Variants in DNASE1 observed in about 807,000 individuals in gnomAD.
The protein encoded by DNASE1 is deoxyribonuclease-1.
Under a neutral mutation model 33.9 loss-of-function variants are expected in DNASE1, and 40 were observed. That is an observed-to-expected ratio of 1.18 (90% CI 0.92 to 1.54). The LOEUF is 1.54. Ranked by LOEUF, DNASE1 falls within the 40% of genes most tolerant of loss-of-function variation. The pLI is 0.00. For synonymous variants in DNASE1, 216 were observed against 160.0 expected, an observed-to-expected ratio of 1.35 and a Z score of -2.64; for missense variants, 518 against 372.6, an observed-to-expected ratio of 1.39 and a Z score of -3.21.
At chr16:3,656,222 C>A in intron 4 of DNASE1, 37 bp downstream of exon 4, 1 of 1,580,784 alleles carries the variant, frequency 6.3e-7, no homozygotes, top group East Asian at 2.2e-5. Flanking sequence ...CCCTCCCTCA[C>A]CTGGGAGGGC....
chr16:3,648,338 G>A (rs557689680), intron 1 of DNASE1, among the ~76,000 whole-genome samples: 2 of 152,224 alleles, frequency 1.3e-5, no homozygotes, highest in South Asian at 2.1e-4. Flanking sequence ...TGAGATGGGC[G>A]GAACACAAGG....
intron 7 of DNASE1, 119 bp from the exon 8 acceptor site, chr16:3,657,601 T>C: frequency 7.1e-7 from 1 of 1,416,550 alleles, no homozygotes; most frequent in Non-Finnish European, 9.7e-7. Context: ...GGTGTGCAGT[T>C]TTGGGCACCC....
At chr16:3,621,540 C>A (rs1469950066) in intron 1 of DNASE1, among the ~76,000 whole-genome samples, 1 of 152,162 alleles carries the variant, frequency 6.6e-6, no homozygotes, top group Non-Finnish European at 1.5e-5. Flanking sequence ...TGTGCACATA[C>A]AAATATAAAT....
At chr16:3,655,730 C>T in intron 2 of DNASE1, 119 bp from the exon 3 acceptor site, 2 of 1,437,436 alleles carry the variant, frequency 1.4e-6, no homozygotes, top group Non-Finnish European at 1.9e-6. Context: ...CAGGCAGAAA[C>T]ATGAGGCTGC....
At chr16:3,662,716 C>G (rs749018732), downstream of DNASE1, 7 of 717,632 alleles carry the variant, frequency 9.8e-6, no homozygotes, top group African/African-American at 1.7e-5. Flanking sequence ...GCGGCACTCC[C>G]GAGCAACACG....
chr16:3,628,304 C>G (rs1451926757), intron 1 of DNASE1, among the ~76,000 whole-genome samples: 4 of 152,100 alleles, frequency 2.6e-5, no homozygotes, highest in Non-Finnish European at 5.9e-5. Flanking sequence ...TGCTGCTTTG[C>G]TGATTCTGTT....
At chr16:3,661,959 G>A (rs1032160066), downstream of DNASE1, 12 of 1,571,578 alleles carry the variant, frequency 7.6e-6, no homozygotes, top group Non-Finnish European at 1.0e-5. Flanking sequence ...AATCCCACAG[G>A]CTGGAAGAGC....
At chr16:3,646,222 G>T (rs1014371039) in intron 1 of DNASE1, among the ~76,000 whole-genome samples, 1 of 152,106 alleles carries the variant, frequency 6.6e-6, no homozygotes, top group Admixed American at 6.6e-5. Flanking sequence ...TCTGGGGGGG[G>T]TCTGCGGGGA....
chr16:3,615,977 A>C (rs780888287), intron 1 of DNASE1, among the ~76,000 whole-genome samples: 1 of 152,214 alleles, frequency 6.6e-6, no homozygotes, highest in East Asian at 1.9e-4. Context: ...CAGCAGATTG[A>C]ACAAGGAAAG....
rs961463248 is a variant in DNASE1, at chr16:3,655,040, C to T, written c.-6C>T. Reference sequence around the variant, plus strand: ...TCATCTCTGAGGACATCACCATCATCTCAGGTGAGCACCAGGTGGAGTGCC... The same window carrying T: ...TCATCTCTGAGGACATCACCATCATTTCAGGTGAGCACCAGGTGGAGTGCC... On this transcript the variant is annotated 5_prime_UTR_variant, in exon 1 of 9. Coordinates refer to ENST00000246949, the MANE Select transcript of DNASE1 (RefSeq NM_005223.4). 5.3e-6 allele frequency: 3 copies of T among 570,768 alleles called. No individual in the cohort carries two copies. The African/African-American group carries it at 5.6e-5, about 11-fold the overall frequency. The allele number at this position is 570,768 out of a possible 1,614,324, so 35.4% of individuals were successfully genotyped here. A position where few individuals can be genotyped will look rare whatever the true frequency, so the allele number is the denominator to read the frequency against.
At chr16:3,663,660 G>A in exon 10 of DNASE1, 1 of 1,506,258 alleles carries the variant, frequency 6.6e-7, no homozygotes, top group African/African-American at 1.4e-5. Context: ...GAGCCAAGCG[G>A]GCCACACTGG....
chr16:3,614,023 C>T (rs1041049579), intron 1 of DNASE1, among the ~76,000 whole-genome samples: 1 of 151,398 alleles, frequency 6.6e-6, no homozygotes, highest in African/African-American at 2.4e-5. Flanking sequence ...CGCCATTCTC[C>T]TGCCGCAGTC....
chr16:3,630,745 T>C (rs1382550312), intron 1 of DNASE1, among the ~76,000 whole-genome samples: 1 of 152,180 alleles, frequency 6.6e-6, no homozygotes, highest in Non-Finnish European at 1.5e-5. Context: ...TTCTTTTTTG[T>C]AGTCCCAGTT....
chr16:3,660,903 G>C (rs924648780), downstream of DNASE1: 1 of 152,074 alleles, frequency 6.6e-6, no homozygotes, highest in African/African-American at 2.4e-5. Flanking sequence ...CAACCTGGGG[G>C]ACAGAGTGAG....
In DNASE1 at chr16:3,655,477, A is replaced by C. The variant is rs551458320; in HGVS notation, c.104A>C (p.Glu35Ala). Reference protein sequence around the residue: ...IAAFNIQTFGETKMSNATLVS... With the variant: ...IAAFNIQTFGATKMSNATLVS... ...GCCTTCAACATCCAGACATTTGGGG[A>C]GACCAAGATGTCCAATGCCACCCTC... is the stretch of plus-strand genomic sequence containing the variant. Residue 35 changes from glutamate to alanine, a missense_variant, in exon 2 of 9, where the codon GAG becomes GCG. Transcript: ENST00000246949. 5 of 1,614,114 alleles carry C rather than the reference A, an allele frequency of 3.1e-6. No individual in the cohort carries two copies. In the East Asian group the frequency reaches 1.1e-4, roughly 36 times the overall value.
chr16:3,664,241 C>A, exon 10 of DNASE1: 4 of 1,517,792 alleles, frequency 2.6e-6, no homozygotes, highest in South Asian at 1.3e-5. Flanking sequence ...AGGTTGCAGC[C>A]CCCGGAGCCC....
intron 1 of DNASE1, among the ~76,000 whole-genome samples, chr16:3,616,424 C>T (rs548327358): frequency 6.6e-6 from 1 of 152,272 alleles, no homozygotes; most frequent in Admixed American, 6.5e-5. Flanking sequence ...AGTTCGAGAC[C>T]AGCCTGACCA....
intron 1 of DNASE1, among the ~76,000 whole-genome samples, chr16:3,624,015 G>A (rs1225145583): frequency 6.6e-6 from 1 of 151,842 alleles, no homozygotes; most frequent in Non-Finnish European, 1.5e-5. Flanking sequence ...CAGGTGCGGT[G>A]GCTCACTACC....
downstream of DNASE1, chr16:3,658,211 A>G: frequency 6.2e-7 from 1 of 1,613,946 alleles, no homozygotes; most frequent in South Asian, 1.1e-5. Flanking sequence ...TCCAGCAGCA[A>G]TCATGGCGTT....
Sources: gnomAD v4.1 joint callset for allele counts (sites outside exome capture counted in the v4.1 genomes callset) on GRCh38, gnomAD v4.1.1 for gene constraint, MANE v1.5 for transcripts, NCBI Gene and HGNC (gene_info 2026-07-23, HGNC 2026-07-21) for gene names.